The following SORCS2 variants were observed in gnomAD, a reference collection of about 807,000 sequenced individuals.
The protein encoded by SORCS2 is sortilin related VPS10 domain containing receptor 2.
In SORCS2, 100 loss-of-function variants were observed where a neutral mutation model predicts 141.6. That is an observed-to-expected ratio of 0.71 (90% CI 0.60 to 0.83). The LOEUF (loss-of-function observed/expected upper bound fraction) is 0.83, where lower values mean the gene tolerates loss of function less well. Among genes scored for constraint, SORCS2 ranks in the 40% least tolerant of loss-of-function variants. The probability of loss-of-function intolerance (pLI) is 0.00; values close to 1 mark genes in which losing one functional copy is unlikely to be tolerated. For synonymous variants in SORCS2, 789 were observed against 676.9 expected, an observed-to-expected ratio of 1.17 and a Z score of -2.57; for missense variants, 1,646 against 1,560.2, an observed-to-expected ratio of 1.05 and a Z score of -0.93.
intron 4 of SORCS2, 27 bp downstream of exon 4, chr4:7,638,519 G>A (rs1196113881): frequency 1.3e-6 from 2 of 1,595,014 alleles, no homozygotes; most frequent in Non-Finnish European, 1.7e-6. Flanking sequence ...CCAGTCGCCT[G>A]GTCTGTGGGG....
intron 12 of SORCS2, among the ~76,000 whole-genome samples, chr4:7,699,300 T>G (rs2109007214): frequency 6.6e-6 from 1 of 152,160 alleles, no homozygotes; most frequent in Non-Finnish European, 1.5e-5. Flanking sequence ...TGGAGCCACC[T>G]TTTCCCAGAG....
intron 1 of SORCS2, among the ~76,000 whole-genome samples, chr4:7,288,978 A>C (rs1382742536): frequency 6.6e-6 from 1 of 151,740 alleles, no homozygotes; most frequent in African/African-American, 2.4e-5. Context: ...GAGTTTCCAC[A>C]GTGTTTGTGT....
At chr4:7,603,065 A>G (rs1209176421) in intron 3 of SORCS2, among the ~76,000 whole-genome samples, 4 of 152,058 alleles carry the variant, frequency 2.6e-5, no homozygotes, top group African/African-American at 9.7e-5. Context: ...AGGCTGAGGC[A>G]GGAGAATCAG....
At chr4:7,569,811 T>A (rs1199570961) in intron 3 of SORCS2, among the ~76,000 whole-genome samples, 6 of 152,198 alleles carry the variant, frequency 3.9e-5, no homozygotes, top group Non-Finnish European at 8.8e-5. Context: ...GTGAAATAGA[T>A]GCTTCTGCAA....
intron 1 of SORCS2, among the ~76,000 whole-genome samples, chr4:7,390,712 G>A (rs568906887): frequency 2.6e-5 from 4 of 152,266 alleles, no homozygotes; most frequent in South Asian, 2.1e-4. Flanking sequence ...CCTGACCCCC[G>A]GATTATGGAA....
At chr4:7,356,779 G>C (rs983678418) in intron 1 of SORCS2, among the ~76,000 whole-genome samples, 38 of 152,308 alleles carry the variant, frequency 2.5e-4, no homozygotes, top group African/African-American at 8.2e-4. Context: ...GCCTTACAGG[G>C]CACCTGGCAC....
intron 2 of SORCS2, among the ~76,000 whole-genome samples, chr4:7,486,503 G>T (rs1385903577): frequency 6.6e-6 from 1 of 152,202 alleles, no homozygotes; most frequent in South Asian, 2.1e-4. Context: ...GTTCCTGCGG[G>T]ACCCGAGGCT....
chr4:7,573,587 G>A (rs1012471395), intron 3 of SORCS2, among the ~76,000 whole-genome samples: 2 of 152,120 alleles, frequency 1.3e-5, no homozygotes, highest in Non-Finnish European at 1.5e-5. Flanking sequence ...GTGCAATCTC[G>A]GCTCACTGCA....
intron 3 of SORCS2, among the ~76,000 whole-genome samples, chr4:7,547,754 G>A (rs1476733509): frequency 6.6e-6 from 1 of 152,216 alleles, no homozygotes; most frequent in African/African-American, 2.4e-5. Context: ...GCATGTGCCT[G>A]TCTGGGGCTC....
intron 1 of SORCS2, among the ~76,000 whole-genome samples, chr4:7,371,717 C>G (rs1722260481): frequency 6.6e-6 from 1 of 152,224 alleles, no homozygotes; most frequent in African/African-American, 2.4e-5. Context: ...CACCTACACA[C>G]TGACCCCGGG....
intron 1 of SORCS2, among the ~76,000 whole-genome samples, chr4:7,261,322 GA>G (rs1714303994): frequency 6.6e-6 from 1 of 152,248 alleles, no homozygotes; most frequent in African/African-American, 2.4e-5. Context: ...GAGCAGCCCA[GA>G]CAGGGCTCTG....
Position 7,269,404 on chromosome 4 carries a change from G to A in SORCS2, c.480+76278G>A, listed in dbSNP as rs142579862. Among the ~76,000 whole-genome samples the A allele has an allele frequency of 1.6e-3, 245 of 152,306 alleles. 1 individual carries two copies. Among genetic ancestry groups the A allele is most frequent in the African/African-American group, 5.6e-3 (232 of 41,574 alleles). On this transcript the variant is annotated intron_variant, in intron 1 of 26. Transcript: ENST00000507866. The stretch of plus-strand genomic sequence containing the variant: ...TGGTGTCCTCCAAAAAGAGATGTCC[G>A]TATCCTAACCCCTCCCAGTATCTGT...
At chr4:7,592,277 C>T (rs1716972153) in intron 3 of SORCS2, among the ~76,000 whole-genome samples, 1 of 152,102 alleles carries the variant, frequency 6.6e-6, no homozygotes, top group Non-Finnish European at 1.5e-5. Flanking sequence ...CAAATCCAGG[C>T]TGGATCTGGG....
At chr4:7,479,482 C>G (rs7677784) in intron 2 of SORCS2, among the ~76,000 whole-genome samples, 18,255 of 152,220 alleles carry the variant, frequency 0.12, 1,478 homozygotes, top group African/African-American at 0.24. Flanking sequence ...CCAAACCTTT[C>G]TTTGCAATGT....
intron 2 of SORCS2, among the ~76,000 whole-genome samples, chr4:7,400,725 G>GGATGGACAGATGGATGAATGGATT (rs1213495598): frequency 1.3e-5 from 2 of 151,884 alleles, no homozygotes; most frequent in East Asian, 1.9e-4. Context: ...ATGAATGGAT[G>GGATGGACAGATGGATGAATGGATT]GATGGACAGA....
chr4:7,214,535 C>A (rs990692252), intron 1 of SORCS2, among the ~76,000 whole-genome samples: 1 of 152,214 alleles, frequency 6.6e-6, no homozygotes, highest in Non-Finnish European at 1.5e-5. Context: ...AGAGGCTGGG[C>A]AGATTCATTC....
At chr4:7,351,026 G>T (rs914527794) in intron 1 of SORCS2, among the ~76,000 whole-genome samples, 3 of 152,194 alleles carry the variant, frequency 2.0e-5, no homozygotes, top group Non-Finnish European at 4.4e-5. Flanking sequence ...AAACCAGGCT[G>T]CCCATATTGT....
intron 2 of SORCS2, among the ~76,000 whole-genome samples, chr4:7,468,105 G>A (rs1428404066): frequency 6.6e-6 from 1 of 152,202 alleles, no homozygotes; most frequent in Non-Finnish European, 1.5e-5. Context: ...TCCCCTGCAA[G>A]GCACAGTTGT....
chr4:7,425,995 G>A (rs374238265), intron 2 of SORCS2, among the ~76,000 whole-genome samples: 3 of 152,230 alleles, frequency 2.0e-5, no homozygotes, highest in East Asian at 1.9e-4. Context: ...AGTTAGACCC[G>A]GAGCACAGGT....
Sources: gnomAD v4.1 joint callset for allele counts (sites outside exome capture counted in the v4.1 genomes callset) on GRCh38, gnomAD v4.1.1 for gene constraint, MANE v1.5 for transcripts, NCBI Gene and HGNC (gene_info 2026-07-23, HGNC 2026-07-21) for gene names.